ARSB: variants seen among roughly 807,000 people sequenced by gnomAD.
ARSB encodes arylsulfatase B, also known as N-acetylgalactosamine-4-sulfatase.
ARSB carries 41 observed loss-of-function variants against 50.9 expected under a neutral mutation model. That is an observed-to-expected ratio of 0.81 (90% CI 0.63 to 1.04). ARSB has a LOEUF of 1.04. Ranked by LOEUF, ARSB falls within the 50% of genes least tolerant of loss-of-function variation. The pLI, the probability that ARSB is intolerant of heterozygous loss-of-function variation, is 0.00. For missense variants in ARSB, 672 were observed against 693.3 expected (o/e 0.97, Z 0.35); for synonymous variants, 269 against 284.8 (o/e 0.94, Z 0.56).
chr5:78,831,790 G>T (rs145284316), intron 6 of ARSB, among the ~76,000 whole-genome samples: 396 of 152,264 alleles, frequency 2.6e-3, no homozygotes, highest in African/African-American at 9.1e-3. Context: ...AGCAGGGTGA[G>T]CCCCATGCAT....
chr5:78,936,004 TTTC>T (rs1750571655), intron 4 of ARSB, among the ~76,000 whole-genome samples: 1 of 8,708 alleles, frequency 1.1e-4, no homozygotes, highest in Admixed American at 6.3e-3. Context: ...CTTTCTTTTC[TTTC>T]TGTCTTTCTC....
chr5:78,938,078 C>T (rs928080401), intron 4 of ARSB, among the ~76,000 whole-genome samples: 24 of 152,134 alleles, frequency 1.6e-4, no homozygotes, highest in African/African-American at 5.1e-4. Context: ...TGGCAGGAGG[C>T]CTGCCCATGC....
At chr5:78,839,497 T>G in intron 5 of ARSB, 71 bp from the exon 6 acceptor site, 1 of 1,360,848 alleles carries the variant, frequency 7.3e-7, no homozygotes, top group Non-Finnish European at 1.0e-6. Flanking sequence ...AATACTTCCC[T>G]TCCTTGTACT....
At chr5:78,785,870 T>G (rs931897192) in intron 6 of ARSB, among the ~76,000 whole-genome samples, 3 of 152,220 alleles carry the variant, frequency 2.0e-5, no homozygotes, top group Admixed American at 6.5e-5. Context: ...CAAGGAGTAC[T>G]TCTTGATTAT....
chr5:78,886,922 T>C (rs1360823265), intron 4 of ARSB, among the ~76,000 whole-genome samples: 1 of 152,222 alleles, frequency 6.6e-6, no homozygotes, highest in African/African-American at 2.4e-5. Flanking sequence ...TGAACACTTG[T>C]TAAGCACTGA....
chr5:78,984,341 G>A (rs929176100), intron 1 of ARSB, among the ~76,000 whole-genome samples: 1 of 152,206 alleles, frequency 6.6e-6, no homozygotes, highest in Non-Finnish European at 1.5e-5. Flanking sequence ...CTTTTAAAGC[G>A]ATAATGAAGA....
intron 5 of ARSB, among the ~76,000 whole-genome samples, chr5:78,848,544 T>C (rs1745575785): frequency 6.6e-6 from 1 of 151,548 alleles, no homozygotes; most frequent in African/African-American, 2.4e-5. Context: ...TGTGTCTTTA[T>C]AGCAGCATGA....
chr5:78,942,581 A>G (rs1432232945), intron 4 of ARSB, among the ~76,000 whole-genome samples: 1 of 152,150 alleles, frequency 6.6e-6, no homozygotes, highest in Admixed American at 6.5e-5. Flanking sequence ...GTTTCCATGT[A>G]GTTGAATGGT....
intron 5 of ARSB, among the ~76,000 whole-genome samples, chr5:78,848,580 C>A (rs183873836): frequency 0.043 from 6,455 of 149,144 alleles, 589 homozygotes; most frequent in African/African-American, 0.16. Flanking sequence ...GTATATACCC[C>A]GTAATGGGAT....
intron 6 of ARSB, among the ~76,000 whole-genome samples, chr5:78,821,904 A>G (rs1032511100): frequency 2.0e-5 from 3 of 152,216 alleles, no homozygotes; most frequent in African/African-American, 7.2e-5. Context: ...TCAGAGTTGG[A>G]AAGACCCAAG....
At chr5:78,916,658 C>T (rs10805924) in intron 4 of ARSB, among the ~76,000 whole-genome samples, 35,147 of 152,078 alleles carry the variant, frequency 0.23, 4,562 homozygotes, top group Admixed American at 0.31. Context: ...TATCATTTTC[C>T]TATTAAGTTG....
At position 78,964,549 on chromosome 5, in the gene ARSB, G is replaced by C. The variant is rs751522780; in HGVS notation, c.557C>G (p.Ala186Gly). 3 of 1,613,972 alleles carry C rather than the reference G, an allele frequency of 1.9e-6. No homozygotes were observed. Among genetic ancestry groups the C allele is most frequent in the Non-Finnish European group, 2.5e-6 (3 of 1,179,934 alleles). Residue 186 changes from alanine (A) to glycine (G), a missense_variant, in exon 3 of 8, where the codon GCT becomes GGT. Coordinates refer to ENST00000264914, the MANE Select transcript of ARSB (RefSeq NM_000046.5). ...AAGAGCACATCGTGTGACATTCAGAGCGTCAATTAATGTACAGCGTTCATG... is the reference window on the plus strand; with the variant it reads ...AAGAGCACATCGTGTGACATTCAGACCGTCAATTAATGTACAGCGTTCATG... Reference protein sequence around the residue: ...YSHERCTLIDALNVTRCALDF... With the variant: ...YSHERCTLIDGLNVTRCALDF...
At chr5:78,836,671 CT>C (rs1744968444) in intron 6 of ARSB, among the ~76,000 whole-genome samples, 1 of 152,144 alleles carries the variant, frequency 6.6e-6, no homozygotes, top group African/African-American at 2.4e-5. Context: ...TGCTAGGGCC[CT>C]TTAGGTAAGA....
At chr5:78,973,831 C>A (rs1463903964) in intron 1 of ARSB, among the ~76,000 whole-genome samples, 2 of 152,228 alleles carry the variant, frequency 1.3e-5, no homozygotes, top group Non-Finnish European at 2.9e-5. Context: ...AAGGGAGGTT[C>A]TGTCCAGTCA....
At chr5:78,847,333 C>A (rs919772268) in intron 5 of ARSB, among the ~76,000 whole-genome samples, 1 of 152,028 alleles carries the variant, frequency 6.6e-6, no homozygotes, top group Non-Finnish European at 1.5e-5. Context: ...CCCTCTGCTG[C>A]CCAGGCTGGT....
At chr5:78,812,630 C>CACACACAT (rs1346447675) in intron 6 of ARSB, among the ~76,000 whole-genome samples, 24 of 136,236 alleles carry the variant, frequency 1.8e-4, no homozygotes, top group Non-Finnish European at 3.1e-4. Context: ...CACACACACA[C>CACACACAT]ATGATATCAC....
intron 4 of ARSB, among the ~76,000 whole-genome samples, chr5:78,927,621 T>C (rs1750113165): frequency 6.6e-6 from 1 of 152,176 alleles, no homozygotes; most frequent in South Asian, 2.1e-4. Context: ...AAGAAAGGCT[T>C]AGAGGCTCTT....
intron 6 of ARSB, among the ~76,000 whole-genome samples, chr5:78,833,676 CAAG>C (rs1228330612): frequency 6.6e-6 from 1 of 152,198 alleles, no homozygotes; most frequent in African/African-American, 2.4e-5. Context: ...CTCAGAACAG[CAAG>C]AAGAGGCAGA....
intron 3 of ARSB, among the ~76,000 whole-genome samples, chr5:78,963,506 T>C (rs990648685): frequency 2.0e-5 from 3 of 152,166 alleles, no homozygotes; most frequent in Non-Finnish European, 4.4e-5. Context: ...TGAAGTATTA[T>C]TTTTATGGGT....
Sources: allele counts gnomAD v4.1 joint callset (sites outside exome capture counted in the v4.1 genomes callset), GRCh38; gene constraint gnomAD v4.1.1; transcripts MANE v1.5; gene names NCBI Gene and HGNC (gene_info 2026-07-23, HGNC 2026-07-21).